The following SP5 variants were observed in gnomAD, a reference collection of about 807,000 sequenced individuals.
SP5 encodes the protein Sp5 transcription factor, also known as transcription factor Sp5.
A neutral mutation model predicts 27.4 loss-of-function variants in SP5; 12 were observed. That is an observed-to-expected ratio of 0.44 (90% CI 0.28 to 0.71). The LOEUF (loss-of-function observed/expected upper bound fraction) is 0.71, where lower values mean the gene tolerates loss of function less well. SP5 is among the 30% of genes least tolerant of loss of function. The pLI is 0.15. For missense variants in SP5, 660 were observed against 589.8 expected, an observed-to-expected ratio of 1.12 and a Z score of -1.23; for synonymous variants, 330 against 290.7, an observed-to-expected ratio of 1.14 and a Z score of -1.38.
In SP5 at chr2:170,717,602, G is replaced by T; in HGVS notation, c.*198G>T. The stretch of plus-strand genomic sequence containing the variant: ...AGCGGGGAGGTAGGGTTGGGGCTGG[G>T]GCATTTGGATTGTAATTGGGAGCTC... On this transcript the variant is annotated 3_prime_UTR_variant, in exon 2 of 2. Coordinates refer to ENST00000375281, the MANE Select transcript of SP5 (RefSeq NM_001003845.3). 1 of 727,514 alleles carries T rather than the reference G, an allele frequency of 1.4e-6. No individual in the cohort carries two copies. The highest frequency in any genetic ancestry group is 2.2e-6 in the Non-Finnish European group (1 of 453,990). 45.1% of individuals were successfully genotyped at this position (727,514 alleles called of 1,614,324 possible). A position where few individuals can be genotyped will look rare whatever the true frequency, so the allele number is the denominator to read the frequency against.
rs775224848 is a variant in SP5, at chr2:170,717,454, G to A, written c.*50G>A. ...CCCAGCACCTCTGCGAGAGATCCGGGGACCTGTGGGCAGCTGGCGGAGGGG... is the reference window on the plus strand; with the variant it reads ...CCCAGCACCTCTGCGAGAGATCCGGAGACCTGTGGGCAGCTGGCGGAGGGG... On this transcript the variant is annotated 3_prime_UTR_variant, in exon 2 of 2. Transcript: ENST00000375281. 3.8e-6 allele frequency: 6 copies of A among 1,593,460 alleles called. No homozygotes were observed. The highest frequency in any genetic ancestry group is 4.5e-5 in the East Asian group (2 of 44,316).
At position 170,717,432 on chromosome 2, in the gene SP5, A is replaced by T. The variant is rs1700094929; in HGVS notation, c.*28A>T. On this transcript the variant is annotated 3_prime_UTR_variant, in exon 2 of 2. Coordinates refer to ENST00000375281, the MANE Select transcript of SP5 (RefSeq NM_001003845.3). ...CCTCCCGGAGGTGGACCCCCTTCCCAGCACCTCTGCGAGAGATCCGGGGAC... is the reference window on the plus strand; with the variant it reads ...CCTCCCGGAGGTGGACCCCCTTCCCTGCACCTCTGCGAGAGATCCGGGGAC... 1.2e-6 allele frequency: 2 copies of T among 1,605,792 alleles called. No homozygotes were observed. Among genetic ancestry groups the T allele is most frequent in the African/African-American group, 2.7e-5 (2 of 74,928 alleles).
chr2:170,715,540 G>T lies in SP5; in HGVS notation c.28G>T (p.Asp10Tyr). 1 of 1,559,330 alleles carries T rather than the reference G, an allele frequency of 6.4e-7. No homozygotes were observed. The highest frequency in any genetic ancestry group is 1.9e-5 in the Admixed American group (1 of 51,726). MAAVAVLRN[D>Y]SLQAFLQDRT... Reference sequence around the variant, plus strand: ...GGCCGCGGTGGCCGTCCTCCGGAACGACTCGCTGCAGGCCTTTCTCCAGGT... The same window carrying T: ...GGCCGCGGTGGCCGTCCTCCGGAACTACTCGCTGCAGGCCTTTCTCCAGGT... The change falls in exon 1 of 2, where the codon GAC (aspartate) becomes TAC (tyrosine). Residue 10 changes from aspartate to tyrosine, a missense_variant. By Grantham distance (160) the Asp-to-Tyr change is radical. Coordinates refer to ENST00000375281, the MANE Select transcript of SP5 (RefSeq NM_001003845.3).
rs1700066227 is a variant in SP5 at position 170,716,350 on chromosome 2, C to A, written c.143C>A (p.Ala48Glu). 6.3e-7 allele frequency: 1 copy of A among 1,595,878 alleles called. No individual in the cohort carries two copies. Among genetic ancestry groups the A allele is most frequent in the Non-Finnish European group, 8.5e-7 (1 of 1,178,690 alleles). Residue 48 changes from alanine to glutamate, a missense_variant, in exon 2 of 2, where the codon GCG (alanine) becomes GAG (glutamate). Coordinates refer to ENST00000375281, the MANE Select transcript of SP5 (RefSeq NM_001003845.3). ...ATCSRIGQPG[A>E]AAPPDFLQVP... Reference sequence around the variant, plus strand: ...TGTAGCCGCATCGGCCAGCCGGGCGCGGCGGCGCCCCCGGACTTCCTGCAG... The same window carrying A: ...TGTAGCCGCATCGGCCAGCCGGGCGAGGCGGCGCCCCCGGACTTCCTGCAG...
rs752582801 is a variant in SP5, at chr2:170,717,271, G to A, written c.1064G>A (p.Arg355His). The change falls in exon 2 of 2, where the codon CGC becomes CAC. Residue 355 changes from arginine (R) to histidine (H), a missense_variant. Coordinates refer to ENST00000375281, the MANE Select transcript of SP5 (RefSeq NM_001003845.3). ...CTGCGGACTCACACGGGCGAGAAGC[G>A]CTTTGCCTGTCCCGAGTGCGGCAAG... ...RHLRTHTGEK[R>H]FACPECGKRF... The A allele has an allele frequency of 6.2e-7, 1 of 1,609,740 alleles. No individual in the cohort carries two copies. Among genetic ancestry groups the A allele is most frequent in the Non-Finnish European group, 8.5e-7 (1 of 1,179,652 alleles).
At position 170,716,831 on chromosome 2, in the gene SP5, C is replaced by T. The variant is rs755736371; in HGVS notation, c.624C>T (p.Gly208=). 2 of 1,406,024 alleles carry T rather than the reference C, an allele frequency of 1.4e-6. No individual in the cohort carries two copies. The highest frequency in any genetic ancestry group is 3.2e-5 in the South Asian group (2 of 61,890). The allele number at this position is 1,406,024 out of a possible 1,614,324, so 87.1% of individuals were successfully genotyped here. A position where few individuals can be genotyped will look rare whatever the true frequency, so the allele number is the denominator to read the frequency against. The change falls in exon 2 of 2, where the codon GGC becomes GGT. Residue 208 remains glycine, a synonymous_variant. Transcript: ENST00000375281. ...GPGASGVPGS[G]LSGACAGAPH... is the part of the protein sequence containing the mutation. ...GGGCCTCCGGGGTTCCGGGAAGCGG[C>T]CTCTCCGGCGCCTGTGCCGGGGCCC...
At position 170,716,336 on chromosome 2, in the gene SP5, C is replaced by G. The variant is rs1377092410; in HGVS notation, c.129C>G (p.Ile43Met). ...TGCTGGCCGCCACCTGTAGCCGCATCGGCCAGCCGGGCGCGGCGGCGCCCC... is the reference window on the plus strand; with the variant it reads ...TGCTGGCCGCCACCTGTAGCCGCATGGGCCAGCCGGGCGCGGCGGCGCCCC... The part of the protein sequence containing the change: ...LALLAATCSR[I>M]GQPGAAAPPD... Residue 43 changes from isoleucine to methionine, a missense_variant, in exon 2 of 2, where the codon ATC becomes ATG. Physicochemically the swap from Ile to Met is conservative, Grantham distance 10. Coordinates refer to ENST00000375281, the MANE Select transcript of SP5 (RefSeq NM_001003845.3). The G allele has an allele frequency of 1.3e-6, 2 of 1,595,990 alleles. No homozygotes were observed. The highest frequency in any genetic ancestry group is 2.2e-5 in the East Asian group (1 of 44,804).
At position 170,717,118 on chromosome 2, in the gene SP5, G is replaced by T; in HGVS notation, c.911G>T (p.Gly304Val). The T allele has an allele frequency of 6.3e-7, 1 of 1,593,636 alleles. No individual in the cohort carries two copies. The highest frequency in any genetic ancestry group is 8.5e-7 in the Non-Finnish European group (1 of 1,171,358). The part of the protein sequence containing the change: ...KQHVCHVPGC[G>V]KVYGKTSHLK... ...CACGTGTGCCACGTGCCGGGCTGCG[G>T]CAAGGTGTACGGGAAGACGTCGCAC... is the stretch of plus-strand genomic sequence containing the variant. Residue 304 changes from glycine (G) to valine (V), a missense_variant, in exon 2 of 2, where the codon GGC (glycine) becomes GTC (valine). Gly to Val is a moderately radical substitution (Grantham distance 109). Coordinates refer to ENST00000375281, the MANE Select transcript of SP5 (RefSeq NM_001003845.3).
In SP5 at chr2:170,716,799, G is replaced by A. The variant is rs895326913; in HGVS notation, c.592G>A (p.Gly198Arg). 3 of 1,391,268 alleles carry A rather than the reference G, an allele frequency of 2.2e-6. No individual in the cohort carries two copies. The highest frequency in any genetic ancestry group is 3.5e-5 in the Admixed American group (1 of 28,332). 86.2% of individuals were successfully genotyped at this position (1,391,268 alleles called of 1,614,324 possible). The change falls in exon 2 of 2, where the codon GGG becomes AGG. Residue 198 changes from glycine to arginine, a missense_variant. Transcript: ENST00000375281. ...GTGGAGCATCCCGCAGGCGGGCGCC[G>A]GGCCGGGGGCCTCCGGGGTTCCGGG... ...PWWSIPQAGA[G>R]PGASGVPGSG... is the part of the protein sequence containing the mutation.
At position 170,716,372 on chromosome 2, in the gene SP5, G is replaced by A. The variant is rs376159698; in HGVS notation, c.165G>A (p.Leu55=). 42 of 1,597,270 alleles carry A rather than the reference G, an allele frequency of 2.6e-5. No individual in the cohort carries two copies. In the African/African-American group the frequency reaches 5.5e-4, roughly 21 times the overall value. ...GCGCGGCGGCGCCCCCGGACTTCCT[G>A]CAGGTGCCCTACGACCCCGCGCTGG... ...QPGAAAPPDF[L]QVPYDPALGS... Residue 55 remains leucine (L), a synonymous_variant, in exon 2 of 2, where the codon CTG becomes CTA. Coordinates refer to ENST00000375281, the MANE Select transcript of SP5 (RefSeq NM_001003845.3).
At chr2:170,715,696 G>T (rs1700047695) in intron 1 of SP5, 133 bp downstream of exon 1, 1 of 1,422,380 alleles carries the variant, frequency 7.0e-7, no homozygotes, top group Middle Eastern at 1.9e-4. Context: ...GCCTAGGGGT[G>T]CCCACGCCAA....
Position 170,717,467 on chromosome 2 carries a change from G to T in SP5, c.*63G>T. The T allele has an allele frequency of 1.9e-6, 3 of 1,576,916 alleles. No individual in the cohort carries two copies. Among genetic ancestry groups the T allele is most frequent in the South Asian group, 2.3e-5 (2 of 87,532 alleles). On this transcript the variant is annotated 3_prime_UTR_variant, in exon 2 of 2. Transcript: ENST00000375281. ...CGAGAGATCCGGGGACCTGTGGGCA[G>T]CTGGCGGAGGGGAGACTCAGCAGAC...
Position 170,717,090 on chromosome 2 carries a change from C to A in SP5, c.883C>A (p.Gln295Lys), listed in dbSNP as rs1011500934. The change falls in exon 2 of 2, where the codon CAG becomes AAG. Residue 295 changes from glutamine (Q) to lysine (K), a missense_variant. By Grantham distance (53) the Gln-to-Lys change is moderately conservative. Coordinates refer to ENST00000375281, the MANE Select transcript of SP5 (RefSeq NM_001003845.3). ...APEAEPGKKK[Q>K]HVCHVPGCGK... ...CGAGGCGGAGCCGGGGAAGAAGAAG[C>A]AGCACGTGTGCCACGTGCCGGGCTG... 4.1e-5 allele frequency: 65 copies of A among 1,572,402 alleles called. No homozygotes were observed. The highest frequency in any genetic ancestry group is 4.9e-5 in the Non-Finnish European group (57 of 1,160,316).
chr2:170,716,614 C>T lies in SP5; in HGVS notation c.407C>T (p.Ala136Val), dbSNP rs577104838. The T allele has an allele frequency of 2.2e-5, 35 of 1,607,880 alleles. 1 individual carries two copies. In the South Asian group the frequency reaches 3.5e-4, roughly 16 times the overall value. Residue 136 changes from alanine to valine, a missense_variant, in exon 2 of 2, where the codon GCG becomes GTG. Physicochemically the swap from Ala to Val is moderately conservative, Grantham distance 64. Coordinates refer to ENST00000375281, the MANE Select transcript of SP5 (RefSeq NM_001003845.3). ...SPVKMLPSSM[A>V]ALPASCAPAY... ...GTCAAGATGCTGCCCTCGAGCATGG[C>T]GGCTCTGCCCGCCAGCTGCGCGCCC...
rs577072543 is a variant in SP5, at chr2:170,717,471, G to A, written c.*67G>A. 7.6e-6 allele frequency: 12 copies of A among 1,570,038 alleles called. No homozygotes were observed. In the Admixed American group the frequency reaches 2.0e-4, roughly 27 times the overall value. On this transcript the variant is annotated 3_prime_UTR_variant, in exon 2 of 2. Transcript: ENST00000375281. The stretch of plus-strand genomic sequence containing the variant: ...AGATCCGGGGACCTGTGGGCAGCTG[G>A]CGGAGGGGAGACTCAGCAGACGGAC...
In SP5 at chr2:170,716,538, C is replaced by G. The variant is rs773188370; in HGVS notation, c.331C>G (p.Leu111Val). The change falls in exon 2 of 2, where the codon CTT becomes GTT. Residue 111 changes from leucine to valine, a missense_variant. Coordinates refer to ENST00000375281, the MANE Select transcript of SP5 (RefSeq NM_001003845.3). ...GCCGTCCTTCGGGGCTGCGCACGAG[C>G]TTCCCCTTACACCCCCCGCCGACCC... The part of the protein sequence containing the change: ...LQPSFGAAHE[L>V]PLTPPADPSY... The G allele has an allele frequency of 1.2e-6, 2 of 1,611,350 alleles. No individual in the cohort carries two copies. Among genetic ancestry groups the G allele is most frequent in the Non-Finnish European group, 1.7e-6 (2 of 1,179,402 alleles).
chr2:170,716,879 C>T lies in SP5; in HGVS notation c.672C>T (p.Ala224=), dbSNP rs1700082052. 6.0e-6 allele frequency: 9 copies of T among 1,500,780 alleles called. No homozygotes were observed. The highest frequency in any genetic ancestry group is 8.0e-6 in the Non-Finnish European group (9 of 1,127,562). The allele number at this position is 1,500,780 out of a possible 1,614,324, so 93.0% of individuals were successfully genotyped here. The part of the protein sequence containing the change: ...AGAPHAPRFP[A]SAAAAAAAAA... ...CCCCCCACGCGCCCCGCTTCCCCGC[C>T]TCTGCGGCCGCTGCTGCTGCGGCCG... Residue 224 remains alanine (A), a synonymous_variant, in exon 2 of 2, where the codon GCC becomes GCT. Transcript: ENST00000375281.
At position 170,715,544 on chromosome 2, in the gene SP5, C is replaced by T; in HGVS notation, c.32C>T (p.Ser11Leu). 6.4e-7 allele frequency: 1 copy of T among 1,558,464 alleles called. No homozygotes were observed. The highest frequency in any genetic ancestry group is 8.7e-7 in the Non-Finnish European group (1 of 1,151,994). Residue 11 changes from serine to leucine, a missense_variant, in exon 1 of 2, where the codon TCG becomes TTG. By Grantham distance (145) the Ser-to-Leu change is moderately radical. Coordinates refer to ENST00000375281, the MANE Select transcript of SP5 (RefSeq NM_001003845.3). ...GCGGTGGCCGTCCTCCGGAACGACT[C>T]GCTGCAGGCCTTTCTCCAGGTCAGG... MAAVAVLRND[S>L]LQAFLQDRTP...
rs952754465 is a variant in SP5 at position 170,715,439 on chromosome 2, C to G, written c.-74C>G. On this transcript the variant is annotated 5_prime_UTR_variant, in exon 1 of 2. Coordinates refer to ENST00000375281, the MANE Select transcript of SP5 (RefSeq NM_001003845.3). ...CAGGGAGGCAGGCTGGGCGGCCCTT[C>G]GTCCTCGCCTTCGGGTGTCCATGCC... The G allele has an allele frequency of 1.7e-4, 265 of 1,524,546 alleles. 1 individual carries two copies. Among genetic ancestry groups the G allele is most frequent in the Non-Finnish European group, 1.2e-4 (140 of 1,135,356 alleles). The allele number at this position is 1,524,546 out of a possible 1,614,324, so 94.4% of individuals were successfully genotyped here.
Sources: gnomAD v4.1 joint callset for allele counts on GRCh38, gnomAD v4.1.1 for gene constraint, MANE v1.5 for transcripts, NCBI Gene and HGNC (gene_info 2026-07-23, HGNC 2026-07-21) for gene names.